CAND1: variants seen among roughly 807,000 people sequenced by gnomAD.
The protein encoded by CAND1 is cullin associated and neddylation dissociated 1.
Under a neutral mutation model 108.5 loss-of-function variants are expected in CAND1, and 7 were observed. The observed-to-expected ratio is 0.06, with a 90% CI of 0.04 to 0.12. The LOEUF is 0.12. Ranked by LOEUF, CAND1 falls within the 10% of genes least tolerant of loss-of-function variation. CAND1 has a pLI of 1.00. For missense variants in CAND1, 941 were observed against 1,448.7 expected, an observed-to-expected ratio of 0.65 and a Z score of 5.69; for synonymous variants, 534 against 512.0, an observed-to-expected ratio of 1.04 and a Z score of -0.58.
chr12:67,294,917 T>C, intron 3 of CAND1, 116 bp from the exon 4 acceptor site: 1 of 1,015,540 alleles, frequency 9.8e-7, no homozygotes, highest in Admixed American at 2.6e-5. Flanking sequence ...CTGCCCTGGA[T>C]CTGTTGTGTC....
chr12:67,295,121 A>T lies in CAND1; in HGVS notation c.456A>T (p.Leu152=). The change falls in exon 4 of 15, where the codon CTA becomes CTT. Residue 152 remains leucine, a synonymous_variant. Coordinates refer to ENST00000545606, the MANE Select transcript of CAND1 (RefSeq NM_018448.5). ...AACAGGAAGATGTCTCTGTTCAGCT[A>T]GAAGCCTTGGATATTATGGCTGATA... ...IAKQEDVSVQ[L]EALDIMADML... 6.2e-7 allele frequency: 1 copy of T among 1,613,066 alleles called. No individual in the cohort carries two copies. Among genetic ancestry groups the T allele is most frequent in the Non-Finnish European group, 8.5e-7 (1 of 1,179,342 alleles).
In CAND1 at chr12:67,280,164, C is replaced by CT. The variant is rs1323581179; in HGVS notation, c.69-1740dup. Reference sequence around the variant, plus strand: ...TGTATTGCCCTAATGCAAATATAAGCTTTTTTAAAAATAAGCAGTTTTACA... The same window carrying CT: ...TGTATTGCCCTAATGCAAATATAAGCTTTTTTTAAAAATAAGCAGTTTTACA... On this transcript the variant is annotated intron_variant, in intron 1 of 14. Transcript: ENST00000545606. Among the ~76,000 whole-genome samples the CT allele has an allele frequency of 8.5e-5, 13 of 152,140 alleles. No individual in the cohort carries two copies. In the South Asian group the frequency reaches 2.7e-3, roughly 32 times the overall value.
chr12:67,293,764 A>T (rs1269329935), intron 3 of CAND1, among the ~76,000 whole-genome samples: 1 of 152,124 alleles, frequency 6.6e-6, no homozygotes, highest in Non-Finnish European at 1.5e-5. Context: ...AAAAAAAAAT[A>T]AAAAAACAAA....
Position 67,290,256 on chromosome 12 carries a change from A to G in CAND1, c.213-2366A>G, listed in dbSNP as rs1252420. ...CCTGGCGTGGTGGCTTATGCCTGTA[A>G]TCCCAGCACTTTGGAAGGCCAAGGC... On this transcript the variant is annotated intron_variant, in intron 2 of 14. Transcript: ENST00000545606. 6.7e-3 allele frequency among the ~76,000 whole-genome samples: 1,024 copies of G among 152,242 alleles called. 7 individuals carry two copies. The highest frequency in any genetic ancestry group is 0.023 in the African/African-American group (975 of 41,520).
rs1272920365 is a variant in CAND1, at chr12:67,319,128, G to A, written c.*6298G>A. On this transcript the variant is annotated 3_prime_UTR_variant, in exon 15 of 15. Transcript: ENST00000545606. ...ACCACCACATTAAAATACCCAGAAG[G>A]CATTAATTCCCAGTCCTTCCTCTAC... The A allele has an allele frequency of 6.6e-6, 1 of 152,050 alleles. No homozygotes were observed. The highest frequency in any genetic ancestry group is 1.9e-4 in the East Asian group (1 of 5,180). The allele number at this position is 152,050 out of a possible 1,614,324, so 9.4% of individuals were successfully genotyped here.
In CAND1 at chr12:67,314,711, G is replaced by A. The variant is rs1458616104; in HGVS notation, c.*1881G>A. ...AACTGGCTTTTTCTTCAGTTTGTTT[G>A]TTTTTAACTTTCAAGATGCATGTTT... On this transcript the variant is annotated 3_prime_UTR_variant, in exon 15 of 15. Transcript: ENST00000545606. The A allele has an allele frequency of 2.6e-5, 4 of 152,060 alleles. No individual in the cohort carries two copies. Among genetic ancestry groups the A allele is most frequent in the African/African-American group, 9.7e-5 (4 of 41,410 alleles). 9.4% of individuals were successfully genotyped at this position (152,060 alleles called of 1,614,324 possible).
chr12:67,283,729 T>C (rs1003076227), intron 2 of CAND1, among the ~76,000 whole-genome samples: 2 of 152,198 alleles, frequency 1.3e-5, no homozygotes, highest in African/African-American at 4.8e-5. Flanking sequence ...TTCTCAACCT[T>C]TTAAAAAAAT....
Position 67,317,473 on chromosome 12 carries a change from A to ATTTTTTTTTTTTTTTTTTTTTTTTTTTT in CAND1, c.*4666_*4667insTTTTTTTTTTTTTTTTTTTTTTTTTTTT. ...CTTTTTTCTTTTTTTTTCTTTCTTAATTTTTTTTTTTTTTTTTTTTTTTGA... is the reference window on the plus strand; with the variant it reads ...CTTTTTTCTTTTTTTTTCTTTCTTAATTTTTTTTTTTTTTTTTTTTTTTTTTTTTTTTTTTTTTTTTTTTTTTTTTTGA... On this transcript the variant is annotated 3_prime_UTR_variant, in exon 15 of 15. Coordinates refer to ENST00000545606, the MANE Select transcript of CAND1 (RefSeq NM_018448.5). The ATTTTTTTTTTTTTTTTTTTTTTTTTTTT allele has an allele frequency of 1.1e-5, 1 of 88,218 alleles. No homozygotes were observed. The highest frequency in any genetic ancestry group is 2.1e-5 in the Non-Finnish European group (1 of 47,096). 5.5% of individuals were successfully genotyped at this position (88,218 alleles called of 1,614,324 possible).
chr12:67,296,739 A>G (rs547150632), intron 4 of CAND1, among the ~76,000 whole-genome samples: 3 of 151,174 alleles, frequency 2.0e-5, no homozygotes, highest in African/African-American at 4.8e-5. Flanking sequence ...CTGGCACAGA[A>G]AATCATTTAG....
intron 1 of CAND1, among the ~76,000 whole-genome samples, chr12:67,275,910 G>T (rs907879409): frequency 6.6e-5 from 10 of 152,156 alleles, no homozygotes; most frequent in South Asian, 2.1e-4. Context: ...GAATTCCATT[G>T]AAGTCTGAAA....
chr12:67,307,959 G>C (rs181129066), intron 11 of CAND1, among the ~76,000 whole-genome samples: 3 of 151,946 alleles, frequency 2.0e-5, no homozygotes, highest in Non-Finnish European at 2.9e-5. Context: ...AAAAATAAAG[G>C]GGGGGAGAGC....
chr12:67,288,136 ATTT>A (rs535157799), intron 2 of CAND1, among the ~76,000 whole-genome samples: 14 of 135,812 alleles, frequency 1.0e-4, no homozygotes, highest in Admixed American at 1.5e-4. Flanking sequence ...TCTTTTCTGA[ATTT>A]TTTTTTTTTT....
intron 4 of CAND1, 68 bp from the exon 5 acceptor site, chr12:67,297,339 A>G: frequency 2.1e-6 from 3 of 1,406,770 alleles, no homozygotes; most frequent in Non-Finnish European, 3.0e-6. Context: ...CAGAGGCCAG[A>G]CATTTAGTAG....
At position 67,305,968 on chromosome 12, in the gene CAND1, C is replaced by T; in HGVS notation, c.2300C>T (p.Thr767Ile). 1.2e-6 allele frequency: 2 copies of T among 1,614,168 alleles called. No individual in the cohort carries two copies. The highest frequency in any genetic ancestry group is 1.7e-6 in the Non-Finnish European group (2 of 1,180,012). ...TTCCAAGCTCTGGTTGTCACTGGAA[C>T]AAATAATTTAGGATACATGGATTTG... ...DFFQALVVTG[T>I]NNLGYMDLLR... The change falls in exon 10 of 15, where the codon ACA becomes ATA. Residue 767 changes from threonine to isoleucine, a missense_variant. This residue lies in a region of CAND1 where 697 missense variants were observed against 942.0 expected (regional missense o/e 0.74). Coordinates refer to ENST00000545606, the MANE Select transcript of CAND1 (RefSeq NM_018448.5). The surrounding 1 kb of genome is among the most constrained non-coding windows in gnomAD (Gnocchi z 4.4).
intron 8 of CAND1, among the ~76,000 whole-genome samples, chr12:67,303,069 T>C (rs1163822517): frequency 6.6e-6 from 1 of 152,204 alleles, no homozygotes; most frequent in Non-Finnish European, 1.5e-5. Flanking sequence ...TTCAGTGTAG[T>C]GCCTACTACA....
intron 2 of CAND1, among the ~76,000 whole-genome samples, chr12:67,292,002 C>T (rs538183999): frequency 4.6e-5 from 7 of 152,232 alleles, no homozygotes; most frequent in Admixed American, 6.5e-5. Context: ...GTTGGGACTA[C>T]GGGCACATAC....
At chr12:67,286,212 A>T (rs913537638) in intron 2 of CAND1, among the ~76,000 whole-genome samples, 5 of 152,100 alleles carry the variant, frequency 3.3e-5, no homozygotes, top group African/African-American at 1.2e-4. Context: ...GGGTTTCACC[A>T]TGTTAGCCAG....
chr12:67,297,919 C>T, intron 6 of CAND1, 66 bp downstream of exon 6: 1 of 846,646 alleles, frequency 1.2e-6, no homozygotes. Context: ...ATAAGGTCTA[C>T]ATTAGGTGTG....
chr12:67,299,914 A>G (rs1303209703), intron 7 of CAND1, among the ~76,000 whole-genome samples: 6 of 152,086 alleles, frequency 3.9e-5, no homozygotes, highest in Non-Finnish European at 5.9e-5. Flanking sequence ...CTTTCCTGTC[A>G]AGTCAGTAAT....
Sources: allele counts gnomAD v4.1 joint callset (sites outside exome capture counted in the v4.1 genomes callset), GRCh38; gene constraint gnomAD v4.1.1; regional missense constraint gnomAD v4.1.1; non-coding constraint Gnocchi (gnomAD v3.1); transcripts MANE v1.5; gene names NCBI Gene and HGNC (gene_info 2026-07-23, HGNC 2026-07-21).